Variants in N4BP2L2 observed in about 807,000 individuals in gnomAD.
N4BP2L2 encodes NEDD4 binding protein 2 like 2.
N4BP2L2 carries 50 observed loss-of-function variants against 56.2 expected under a neutral mutation model. The observed-to-expected ratio is 0.89, with a 90% confidence interval of 0.71 to 1.13. The LOEUF is 1.13. Among genes scored for constraint, N4BP2L2 ranks in the 50% most tolerant of loss-of-function variants. The pLI is 0.00. For missense variants in N4BP2L2, 689 were observed against 693.8 expected, an observed-to-expected ratio of 0.99 and a Z score of 0.08; for synonymous variants, 203 against 223.6, an observed-to-expected ratio of 0.91 and a Z score of 0.82.
Position 32,537,015 on chromosome 13 carries a change from CACCATAAG to C in N4BP2L2, c.5_12del (p.Ser2Ter). 1 of 1,549,186 alleles carries C rather than the reference CACCATAAG, an allele frequency of 6.5e-7. No individual in the cohort carries two copies. The highest frequency in any genetic ancestry group is 2.0e-5 in the Admixed American group (1 of 49,730). On this transcript the variant is annotated frameshift_variant, in exon 2 of 6. Transcript: ENST00000267068. LOFTEE classifies it high-confidence loss of function. ...GGTCCCAAGAATTTACCTTCAATTTCACCATAAGACATCTGAGAAATAAATAAATCATA... is the reference window on the plus strand; with the variant it reads ...GGTCCCAAGAATTTACCTTCAATTTCACATCTGAGAAATAAATAAATCATA...
chr13:32,449,531 G>T (rs980649879), intron 6 of N4BP2L2, among the ~76,000 whole-genome samples: 1 of 152,032 alleles, frequency 6.6e-6, no homozygotes, highest in African/African-American at 2.4e-5. Flanking sequence ...ATAAAAACAT[G>T]TATTTTAAGT....
chr13:32,483,875 T>C (rs2085281383), intron 6 of N4BP2L2, among the ~76,000 whole-genome samples: 1 of 150,786 alleles, frequency 6.6e-6, no homozygotes, highest in Non-Finnish European at 1.5e-5. Flanking sequence ...TTCCAGCTAC[T>C]CGGGAGGCTA....
intron 6 of N4BP2L2, among the ~76,000 whole-genome samples, chr13:32,446,913 T>C (rs1358606705): frequency 6.6e-6 from 1 of 151,382 alleles, no homozygotes; most frequent in Non-Finnish European, 1.5e-5. Context: ...ACAACTGATA[T>C]ACAGAGAAGT....
intron 6 of N4BP2L2, among the ~76,000 whole-genome samples, chr13:32,463,373 G>C (rs893591643): frequency 6.6e-6 from 1 of 152,028 alleles, no homozygotes; most frequent in Non-Finnish European, 1.5e-5. Context: ...AGATTAGAAA[G>C]GGCACATAGG....
At chr13:32,520,502 CA>C in intron 5 of N4BP2L2, among the ~76,000 whole-genome samples, 1 of 151,436 alleles carries the variant, frequency 6.6e-6, no homozygotes, top group East Asian at 1.9e-4. Flanking sequence ...ACTAAAAATA[CA>C]AAAAAATTAG....
downstream of N4BP2L2, chr13:32,509,478 A>T (rs910836250): frequency 6.6e-6 from 1 of 152,182 alleles, no homozygotes; most frequent in African/African-American, 2.4e-5. Context: ...TGACTGTTTT[A>T]GGGAGAAGAC....
intron 6 of N4BP2L2, among the ~76,000 whole-genome samples, chr13:32,465,283 T>C (rs974425539): frequency 6.6e-6 from 1 of 152,088 alleles, no homozygotes; most frequent in Non-Finnish European, 1.5e-5. Context: ...GAAAAAATTC[T>C]TCTTCACAGT....
intron 6 of N4BP2L2, among the ~76,000 whole-genome samples, chr13:32,467,142 C>A (rs114329146): frequency 0.013 from 2,028 of 152,008 alleles, 37 homozygotes; most frequent in African/African-American, 0.046. Flanking sequence ...TATGATTTAA[C>A]CTATTAAAAA....
At chr13:32,532,590 CTTTTTTTTTTTTT>C (rs759146834) in intron 2 of N4BP2L2, among the ~76,000 whole-genome samples, 15 of 128,410 alleles carry the variant, frequency 1.2e-4, no homozygotes, top group African/African-American at 4.1e-4. Context: ...TTTCTTTTTT[CTTTTTTTTTTTTT>C]TTTTTAAGAC....
Position 32,493,440 on chromosome 13 carries a change from CACAA to C in N4BP2L2, c.365+24413_365+24416del, listed in dbSNP as rs1456285653. Among the ~76,000 whole-genome samples, 8 of 152,286 alleles carry C rather than the reference CACAA, an allele frequency of 5.3e-5. No individual in the cohort carries two copies. The South Asian group carries it at 6.2e-4, about 12-fold the overall frequency. On this transcript the variant is annotated intron_variant, in intron 6 of 9. Coordinates refer to the N4BP2L2 transcript ENST00000357505. ...AGTACATTCATGGTTTAAACTGGTACACAAACAGTTTTTCTTAGGCTTAATCATT... is the reference window on the plus strand; with the variant it reads ...AGTACATTCATGGTTTAAACTGGTACACAGTTTTTCTTAGGCTTAATCATT...
chr13:32,480,901 T>C (rs942016478), intron 6 of N4BP2L2, among the ~76,000 whole-genome samples: 4 of 151,740 alleles, frequency 2.6e-5, no homozygotes, highest in Admixed American at 1.3e-4. Context: ...GGCAGATCAC[T>C]TGAGGTCAGG....
exon 2 of N4BP2L2, chr13:32,536,094 G>C (rs1205531325): frequency 6.2e-7 from 1 of 1,614,022 alleles, no homozygotes; most frequent in Non-Finnish European, 8.5e-7. Flanking sequence ...TTTTGTATCT[G>C]AGAGTCATCT....
At chr13:32,500,569 A>AAAAAAT (rs1555265131) in intron 6 of N4BP2L2, among the ~76,000 whole-genome samples, 5 of 134,684 alleles carry the variant, frequency 3.7e-5, no homozygotes, top group Non-Finnish European at 4.7e-5. Flanking sequence ...AAAAAAAAAA[A>AAAAAAT]TAGCCAGGCA....
chr13:32,530,881 G>C (rs1196462453), intron 2 of N4BP2L2, among the ~76,000 whole-genome samples: 1 of 138,126 alleles, frequency 7.2e-6, no homozygotes, highest in Admixed American at 7.4e-5. Context: ...TGTCACTTCG[G>C]AGATTACTAA....
intron 9 of N4BP2L2, among the ~76,000 whole-genome samples, chr13:32,435,029 TCTC>T (rs1490427196): frequency 6.6e-6 from 1 of 152,144 alleles, no homozygotes; most frequent in African/African-American, 2.4e-5. Flanking sequence ...TGTACTGGTG[TCTC>T]CTCATGTTGG....
chr13:32,480,483 A>C, intron 6 of N4BP2L2: 1 of 519,728 alleles, frequency 1.9e-6, no homozygotes, highest in South Asian at 1.9e-5. Context: ...GGACGGCATC[A>C]TATTTAAAGT....
chr13:32,513,867 G>A (rs1434408316), exon 6 of N4BP2L2: 1 of 152,072 alleles, frequency 6.6e-6, no homozygotes, highest in Non-Finnish European at 1.5e-5. Flanking sequence ...CAAGGCACTA[G>A]AACACACAAC....
At position 32,519,643 on chromosome 13, in the gene N4BP2L2, C is replaced by A. The variant is rs1035550040; in HGVS notation, c.1551-1640G>T. 3.3e-5 allele frequency among the ~76,000 whole-genome samples: 5 copies of A among 151,878 alleles called. No individual in the cohort carries two copies. The East Asian group carries it at 9.6e-4, about 29-fold the overall frequency. ...CCAGCCTGGGAAACAAAATGAGACT[C>A]TGTCTGAAAAAAATAAAAATAAAAA... On this transcript the variant is annotated intron_variant, in intron 5 of 5. Transcript: ENST00000267068.
At chr13:32,471,053 T>C (rs2082195232) in intron 6 of N4BP2L2, among the ~76,000 whole-genome samples, 1 of 152,194 alleles carries the variant, frequency 6.6e-6, no homozygotes, top group African/African-American at 2.4e-5. Flanking sequence ...GCAATGTGAA[T>C]GATGATCAAC....
Sources: gnomAD v4.1 joint callset for allele counts (sites outside exome capture counted in the v4.1 genomes callset) on GRCh38, gnomAD v4.1.1 for gene constraint, MANE v1.5 for transcripts, NCBI Gene and HGNC (gene_info 2026-07-23, HGNC 2026-07-21) for gene names.